Variants in EBF2 observed in about 807,000 individuals in gnomAD.
EBF2 encodes the protein transcription factor COE2.
In EBF2, 21 loss-of-function variants were observed where a neutral mutation model predicts 72.8. The observed-to-expected ratio is 0.29, with a 90% CI of 0.20 to 0.42. The LOEUF (loss-of-function observed/expected upper bound fraction) is 0.42. Ranked by LOEUF, EBF2 falls within the 10% of genes least tolerant of loss-of-function variation. The probability of loss-of-function intolerance (pLI) is 1.00; values close to 1 mark genes in which losing one functional copy is unlikely to be tolerated. For missense variants in EBF2, 637 were observed against 731.2 expected (o/e 0.87, Z 1.49); for synonymous variants, 299 against 274.2 (o/e 1.09, Z -0.89).
intron 8 of EBF2, among the ~76,000 whole-genome samples, chr8:25,888,372 G>A (rs866747017): frequency 6.6e-6 from 1 of 152,196 alleles, no homozygotes; most frequent in Non-Finnish European, 1.5e-5. Context: ...GGTTTTCACC[G>A]AGTCATTAAA....
At chr8:26,042,328 C>G (rs1254301594) in intron 1 of EBF2, 77 bp from the exon 2 acceptor site, 3 of 1,514,788 alleles carry the variant, frequency 2.0e-6, no homozygotes, top group African/African-American at 2.8e-5. Flanking sequence ...GCCCACAACA[C>G]TGCAGAGGGG....
chr8:25,941,803 C>T (rs978916845), intron 6 of EBF2, among the ~76,000 whole-genome samples: 1 of 152,206 alleles, frequency 6.6e-6, no homozygotes, highest in Non-Finnish European at 1.5e-5. Flanking sequence ...TATAAAACCT[C>T]CTGCTCTCGC....
intron 7 of EBF2, among the ~76,000 whole-genome samples, chr8:25,893,837 A>G (rs1004639525): frequency 1.3e-5 from 2 of 152,194 alleles, no homozygotes; most frequent in African/African-American, 4.8e-5. Flanking sequence ...CGAATGACAT[A>G]CCCTGATGGT....
At chr8:26,020,872 G>A (rs1805193575) in intron 6 of EBF2, among the ~76,000 whole-genome samples, 2 of 152,156 alleles carry the variant, frequency 1.3e-5, no homozygotes, top group Admixed American at 1.3e-4. Flanking sequence ...ACATTTGCTT[G>A]GGTAAGTATC....
intron 6 of EBF2, among the ~76,000 whole-genome samples, chr8:25,993,506 C>T (rs1804576882): frequency 6.6e-6 from 1 of 152,222 alleles, no homozygotes. Context: ...TACTGCCACC[C>T]TCCTGGTCTG....
chr8:25,885,972 C>G (rs891287702), intron 10 of EBF2, among the ~76,000 whole-genome samples: 1 of 152,116 alleles, frequency 6.6e-6, no homozygotes, highest in Non-Finnish European at 1.5e-5. Flanking sequence ...ATGTGCTCAC[C>G]TCACCCTGTG....
At chr8:25,879,288 G>T (rs1802568746) in intron 10 of EBF2, among the ~76,000 whole-genome samples, 1 of 152,120 alleles carries the variant, frequency 6.6e-6, no homozygotes, top group Non-Finnish European at 1.5e-5. Flanking sequence ...TGTAGAAGAT[G>T]TTCCATTATT....
At chr8:26,039,583 C>A (rs1299294672) in intron 5 of EBF2, among the ~76,000 whole-genome samples, 1 of 152,204 alleles carries the variant, frequency 6.6e-6, no homozygotes, top group Non-Finnish European at 1.5e-5. Flanking sequence ...CGGAAATGAG[C>A]CGCTGGACCC....
rs112401716 is a variant in EBF2 at position 25,936,105 on chromosome 8, A to G, written c.552-27550T>C. Among the ~76,000 whole-genome samples the G allele has an allele frequency of 3.6e-3, 551 of 152,320 alleles. 2 individuals carry two copies. Among genetic ancestry groups the G allele is most frequent in the African/African-American group, 0.012 (509 of 41,574 alleles). On this transcript the variant is annotated intron_variant, in intron 6 of 15. Coordinates refer to ENST00000520164, the MANE Select transcript of EBF2 (RefSeq NM_022659.4). ...AGGCAGCAGAGGAGTAGAGAAGAGT[A>G]TGCTATGAAATCATGTGGAAGCAAA...
At chr8:25,846,393 C>A (rs953400644) in intron 15 of EBF2, among the ~76,000 whole-genome samples, 2 of 152,082 alleles carry the variant, frequency 1.3e-5, no homozygotes, top group Non-Finnish European at 2.9e-5. Flanking sequence ...GGAATTCTGA[C>A]TCACAAACTC....
In EBF2 at chr8:26,011,782, G is replaced by A. The variant is rs77491419; in HGVS notation, c.551+21303C>T. On this transcript the variant is annotated intron_variant, in intron 6 of 15. Transcript: ENST00000520164. Reference sequence around the variant, plus strand: ...TTCTCCAACTGTCAGCAGTCTTAACGGAGAATAGAATTTACTTGAACTTTT... The same window carrying A: ...TTCTCCAACTGTCAGCAGTCTTAACAGAGAATAGAATTTACTTGAACTTTT... Among the ~76,000 whole-genome samples the A allele has an allele frequency of 4.2e-3, 641 of 152,070 alleles. 4 individuals are homozygous for A. The highest frequency in any genetic ancestry group is 0.014 in the African/African-American group (580 of 41,464).
chr8:26,033,356 A>G (rs1354504117), intron 5 of EBF2, among the ~76,000 whole-genome samples: 1 of 152,050 alleles, frequency 6.6e-6, no homozygotes, highest in African/African-American at 2.4e-5. Flanking sequence ...CAGCCTCCTG[A>G]CTAACTGGGA....
intron 6 of EBF2, among the ~76,000 whole-genome samples, chr8:25,916,653 A>G (rs1475630443): frequency 6.6e-6 from 1 of 152,134 alleles, no homozygotes; most frequent in Admixed American, 6.5e-5. Context: ...AAAAAAAACC[A>G]CACATGTCAT....
chr8:26,036,127 C>T (rs1299074017), intron 5 of EBF2, among the ~76,000 whole-genome samples: 2 of 152,132 alleles, frequency 1.3e-5, no homozygotes, highest in Admixed American at 6.5e-5. Context: ...ACTGTCAGAA[C>T]GTGCCAATCT....
chr8:26,020,519 A>T (rs2117244020), intron 6 of EBF2, among the ~76,000 whole-genome samples: 1 of 152,322 alleles, frequency 6.6e-6, no homozygotes, highest in South Asian at 2.1e-4. Context: ...AATGTTTCTC[A>T]TTGCCTGAGT....
chr8:25,902,477 T>C (rs1022344450), intron 7 of EBF2, among the ~76,000 whole-genome samples: 13 of 152,054 alleles, frequency 8.5e-5, no homozygotes, highest in African/African-American at 3.1e-4. Context: ...CTTTTTTCTT[T>C]TGCTCTCTTA....
At chr8:25,968,903 G>A (rs1255026374) in intron 6 of EBF2, among the ~76,000 whole-genome samples, 1 of 152,078 alleles carries the variant, frequency 6.6e-6, no homozygotes, top group East Asian at 1.9e-4. Flanking sequence ...GGATGATGGT[G>A]ATGGCTGCAC....
At chr8:25,943,259 G>A (rs1055968294) in intron 6 of EBF2, among the ~76,000 whole-genome samples, 2 of 136,392 alleles carry the variant, frequency 1.5e-5, no homozygotes, top group Non-Finnish European at 3.0e-5. Flanking sequence ...TTGAGGCCAA[G>A]AGTTGGAGAC....
intron 10 of EBF2, among the ~76,000 whole-genome samples, chr8:25,868,562 C>G (rs1472426728): frequency 6.6e-6 from 1 of 152,200 alleles, no homozygotes; most frequent in Non-Finnish European, 1.5e-5. Context: ...CTCACTGCAA[C>G]CTCCACCTCC....
Sources: allele counts gnomAD v4.1 joint callset (sites outside exome capture counted in the v4.1 genomes callset), GRCh38; gene constraint gnomAD v4.1.1; transcripts MANE v1.5; gene names NCBI Gene and HGNC (gene_info 2026-07-23, HGNC 2026-07-21).